Variants in MACROD2 observed in about 807,000 individuals in gnomAD.
MACROD2 encodes the protein ADP-ribose glycohydrolase MACROD2.
In MACROD2, 36 loss-of-function variants were observed where a neutral mutation model predicts 70.4. That is an observed-to-expected ratio of 0.51 (90% CI 0.39 to 0.68). MACROD2 has a LOEUF of 0.68. MACROD2 is among the 30% of genes least tolerant of loss of function. The probability of loss-of-function intolerance (pLI) is 0.00; values close to 1 mark genes in which losing one functional copy is unlikely to be tolerated. For synonymous variants in MACROD2, 172 were observed against 178.8 expected (o/e 0.96, Z 0.30); for missense variants, 496 against 538.4 (o/e 0.92, Z 0.78).
rs185167786 is a variant in MACROD2, at chr20:14,102,290, C to T, written c.271+16562C>T. 2.6e-5 allele frequency among the ~76,000 whole-genome samples: 4 copies of T among 152,186 alleles called. No individual in the cohort carries two copies. The East Asian group carries it at 7.7e-4, about 29-fold the overall frequency. ...GTGCTGGGATTACAGGCTTGAGCGA[C>T]CGCGGCTGGCCTTAATGAGTACTTT... On this transcript the variant is annotated intron_variant, in intron 3 of 17. Transcript: ENST00000684519.
chr20:15,137,361 A>G (rs905371801), intron 5 of MACROD2, among the ~76,000 whole-genome samples: 1 of 152,032 alleles, frequency 6.6e-6, no homozygotes, highest in Admixed American at 6.6e-5. Context: ...CATATACACC[A>G]TGGAATACTA....
At chr20:15,975,040 G>T (rs1428268024) in intron 13 of MACROD2, among the ~76,000 whole-genome samples, 2 of 151,946 alleles carry the variant, frequency 1.3e-5, no homozygotes, top group African/African-American at 2.4e-5. Context: ...TGAAAAAAAA[G>T]TGTGTGTGAA....
intron 2 of MACROD2, among the ~76,000 whole-genome samples, chr20:14,013,508 G>C (rs1488455441): frequency 1.1e-4 from 16 of 151,830 alleles, no homozygotes. Context: ...TCCTGACCTC[G>C]TGATCTGCCC....
At chr20:14,086,178 C>G (rs1264746766) in intron 3 of MACROD2, 1 of 368,840 alleles carries the variant, frequency 2.7e-6, no homozygotes, top group Non-Finnish European at 5.4e-6. Context: ...TATTTCAAAA[C>G]TTAAGTTGTT....
At chr20:15,772,084 CAAAA>C (rs753205618) in intron 8 of MACROD2, among the ~76,000 whole-genome samples, 8 of 70,706 alleles carry the variant, frequency 1.1e-4, no homozygotes, top group Admixed American at 2.3e-4. Context: ...GACTCGGTCT[CAAAA>C]AAAAAAAAAA....
chr20:15,865,347 A>AATT (rs911019013), intron 9 of MACROD2, among the ~76,000 whole-genome samples: 2 of 151,420 alleles, frequency 1.3e-5, no homozygotes, highest in African/African-American at 2.4e-5. Context: ...ACAGTTCAAT[A>AATT]ATAATGATTA....
chr20:15,141,420 G>C (rs2076191606), intron 5 of MACROD2, among the ~76,000 whole-genome samples: 1 of 151,910 alleles, frequency 6.6e-6, no homozygotes, highest in Admixed American at 6.6e-5. Flanking sequence ...AGTGCATATA[G>C]CTACGTATCT....
intron 4 of MACROD2, among the ~76,000 whole-genome samples, chr20:14,605,194 G>A (rs559484194): frequency 1.3e-5 from 2 of 152,240 alleles, no homozygotes; most frequent in South Asian, 4.1e-4. Flanking sequence ...TGGCATCAAC[G>A]ACAGAAATGT....
intron 8 of MACROD2, among the ~76,000 whole-genome samples, chr20:15,510,129 G>T (rs1394163977): frequency 6.6e-6 from 1 of 152,214 alleles, no homozygotes; most frequent in Non-Finnish European, 1.5e-5. Context: ...TTATATGGTG[G>T]TTTCAAAATA....
At chr20:14,589,074 A>G (rs1002139221) in intron 4 of MACROD2, among the ~76,000 whole-genome samples, 5 of 152,150 alleles carry the variant, frequency 3.3e-5, no homozygotes, top group African/African-American at 4.8e-5. Flanking sequence ...TGAAATCCCA[A>G]TTTGAAGATC....
At chr20:15,756,085 C>G (rs1030732828) in intron 8 of MACROD2, among the ~76,000 whole-genome samples, 1 of 152,180 alleles carries the variant, frequency 6.6e-6, no homozygotes, top group Non-Finnish European at 1.5e-5. Context: ...TGTCCACACA[C>G]CATCCCTGCT....
intron 3 of MACROD2, among the ~76,000 whole-genome samples, chr20:14,382,624 T>C (rs1183315625): frequency 6.6e-6 from 1 of 151,908 alleles, no homozygotes; most frequent in Non-Finnish European, 1.5e-5. Flanking sequence ...GCTGAGATCG[T>C]GCCACTGCAC....
chr20:15,425,780 A>C (rs1280421199), intron 6 of MACROD2, among the ~76,000 whole-genome samples: 1 of 152,206 alleles, frequency 6.6e-6, no homozygotes, highest in African/African-American at 2.4e-5. Flanking sequence ...CTGCTGTGTA[A>C]AAGTGGATGG....
chr20:15,910,426 G>A (rs915512441), intron 10 of MACROD2, among the ~76,000 whole-genome samples: 1 of 150,246 alleles, frequency 6.7e-6, no homozygotes, highest in East Asian at 2.0e-4. Flanking sequence ...GTGTGTGTGT[G>A]TGTGTAACTA....
intron 5 of MACROD2, among the ~76,000 whole-genome samples, chr20:15,205,792 G>A (rs2076696396): frequency 6.6e-6 from 1 of 152,200 alleles, no homozygotes; most frequent in South Asian, 2.1e-4. Flanking sequence ...ATCACTTCAA[G>A]ATATTTTATT....
intron 8 of MACROD2, among the ~76,000 whole-genome samples, chr20:15,789,726 TAAAG>T (rs1393700918): frequency 6.6e-6 from 1 of 151,708 alleles, no homozygotes; most frequent in Non-Finnish European, 1.5e-5. Flanking sequence ...AAACACTACA[TAAAG>T]AAGGAAGAAA....
rs116109671 is a variant in MACROD2, at chr20:14,372,715, G to C, written c.272-120764G>C. Among the ~76,000 whole-genome samples the C allele has an allele frequency of 8.7e-3, 1,313 of 151,686 alleles. 15 individuals are homozygous for C. Among genetic ancestry groups the C allele is most frequent in the African/African-American group, 0.029 (1,214 of 41,358 alleles). On this transcript the variant is annotated intron_variant, in intron 3 of 17. Coordinates refer to ENST00000684519, the MANE Select transcript of MACROD2 (RefSeq NM_001351661.2). The stretch of plus-strand genomic sequence containing the variant: ...TCCAGACTTCCGATAACACATTCCT[G>C]TTTTTTTTGGAGAGTTCCACTAGGC...
chr20:15,313,585 T>A, intron 6 of MACROD2, among the ~76,000 whole-genome samples: 1 of 152,044 alleles, frequency 6.6e-6, no homozygotes, highest in East Asian at 1.9e-4. Context: ...AATGTTTCTC[T>A]TCTGTTTTGT....
chr20:15,754,628 A>G (rs1888701221), intron 8 of MACROD2, among the ~76,000 whole-genome samples: 1 of 151,756 alleles, frequency 6.6e-6, no homozygotes, highest in Non-Finnish European at 1.5e-5. Context: ...TCTGTCTCTA[A>G]AAAAGAAAAA....
Sources: allele counts gnomAD v4.1 joint callset (sites outside exome capture counted in the v4.1 genomes callset), GRCh38; gene constraint gnomAD v4.1.1; transcripts MANE v1.5; gene names NCBI Gene and HGNC (gene_info 2026-07-23, HGNC 2026-07-21).